ATP6V0A1: variants seen among roughly 807,000 people sequenced by gnomAD.
The protein encoded by ATP6V0A1 is V-type proton ATPase 116 kDa subunit a 1.
ATP6V0A1 carries 43 observed loss-of-function variants against 105.4 expected under a neutral mutation model. The ratio of observed to expected loss-of-function variants is 0.41; its 90% CI spans 0.32 to 0.53. ATP6V0A1 has a LOEUF of 0.53. Ranked by LOEUF, ATP6V0A1 falls within the 20% of genes least tolerant of loss-of-function variation. ATP6V0A1 has a pLI of 0.30. For synonymous variants in ATP6V0A1, 362 were observed against 372.8 expected, an observed-to-expected ratio of 0.97 and a Z score of 0.33; for missense variants, 676 against 1,051.1, an observed-to-expected ratio of 0.64 and a Z score of 4.93.
At chr17:42,520,447 G>T (rs1356803277) in intron 21 of ATP6V0A1, 1 of 456,600 alleles carries the variant, frequency 2.2e-6, no homozygotes, top group Non-Finnish European at 4.4e-6. Flanking sequence ...CCCAAGAGAA[G>T]AATTCTTTCT....
At chr17:42,462,428 C>T (rs897490480) in intron 2 of ATP6V0A1, among the ~76,000 whole-genome samples, 1 of 151,648 alleles carries the variant, frequency 6.6e-6, no homozygotes, top group African/African-American at 2.4e-5. Context: ...GTTGTTGTTG[C>T]TTTTCTTTTT....
intron 17 of ATP6V0A1, among the ~76,000 whole-genome samples, chr17:42,501,965 C>T (rs1375355407): frequency 1.3e-5 from 2 of 151,952 alleles, no homozygotes; most frequent in Non-Finnish European, 2.9e-5. Flanking sequence ...ATCTGAGAGG[C>T]GGAGGTTGCA....
intron 14 of ATP6V0A1, chr17:42,496,265 A>G (rs1289744821): frequency 6.6e-6 from 1 of 152,102 alleles, no homozygotes; most frequent in Non-Finnish European, 1.5e-5. Context: ...CTCTGGGAAG[A>G]TTGATTTTTC....
chr17:42,514,208 A>AGG (rs777357155), intron 20 of ATP6V0A1, 81 bp from the exon 21 acceptor site: 2 of 1,499,704 alleles, frequency 1.3e-6, no homozygotes, highest in South Asian at 2.6e-5. Flanking sequence ...ACCCTAGAGC[A>AGG]GGGGGATGGC....
At chr17:42,472,535 C>T (rs952942297) in intron 5 of ATP6V0A1, among the ~76,000 whole-genome samples, 1 of 105,134 alleles carries the variant, frequency 9.5e-6, no homozygotes, top group African/African-American at 3.7e-5. Flanking sequence ...CCAGCCTGAC[C>T]AACATGGTGA....
intron 1 of ATP6V0A1, chr17:42,460,348 G>A (rs1430256585): frequency 6.5e-6 from 1 of 152,902 alleles, no homozygotes; most frequent in Non-Finnish European, 1.5e-5. Flanking sequence ...ATAGCTTTAG[G>A]ATAGTGCCAG....
intron 1 of ATP6V0A1, among the ~76,000 whole-genome samples, chr17:42,459,778 ACT>A (rs1260392514): frequency 6.6e-5 from 10 of 152,168 alleles, no homozygotes; most frequent in Admixed American, 5.9e-4. Context: ...AGCTTGTGTT[ACT>A]GTCTTGAACA....
At chr17:42,491,587 G>A (rs886065522) in intron 11 of ATP6V0A1, among the ~76,000 whole-genome samples, 1 of 151,778 alleles carries the variant, frequency 6.6e-6, no homozygotes, top group East Asian at 1.9e-4. Flanking sequence ...AGGTTCAAGC[G>A]ATTCTCCTGC....
intron 5 of ATP6V0A1, among the ~76,000 whole-genome samples, chr17:42,476,082 C>T (rs1339400070): frequency 2.6e-5 from 4 of 152,148 alleles, no homozygotes; most frequent in African/African-American, 7.2e-5. Context: ...TTGTAATCAT[C>T]GGGATCCTGA....
chr17:42,487,329 G>C lies in ATP6V0A1; in HGVS notation c.985G>C (p.Asp329His), dbSNP rs763530702. ...TGCAGAGGTCTGGTGCCCTGTCACCGACCTTGACTCCATCCAGTTTGCACT... is the reference window on the plus strand; with the variant it reads ...TGCAGAGGTCTGGTGCCCTGTCACCCACCTTGACTCCATCCAGTTTGCACT... ...LIAEVWCPVT[D>H]LDSIQFALRR... The change falls in exon 10 of 22, where the codon GAC becomes CAC. Residue 329 changes from aspartate (D) to histidine (H), a missense_variant. This residue lies in a region of ATP6V0A1 where 435 missense variants were observed against 642.2 expected (regional missense o/e 0.68). Coordinates refer to ENST00000343619, the MANE Select transcript of ATP6V0A1 (RefSeq NM_001130021.3). The C allele has an allele frequency of 6.2e-7, 1 of 1,614,094 alleles. No individual in the cohort carries two copies. The highest frequency in any genetic ancestry group is 8.5e-7 in the Non-Finnish European group (1 of 1,180,038).
At chr17:42,520,306 C>G (rs1318305971) in intron 21 of ATP6V0A1, 1 of 381,194 alleles carries the variant, frequency 2.6e-6, no homozygotes, top group African/African-American at 2.1e-5. Context: ...GGAAGCACAG[C>G]CAAGCAGCCT....
intron 17 of ATP6V0A1, among the ~76,000 whole-genome samples, chr17:42,506,622 G>A (rs1409097249): frequency 6.6e-6 from 1 of 152,232 alleles, no homozygotes; most frequent in Non-Finnish European, 1.5e-5. Context: ...TCTGGGGGCT[G>A]CTGTTTAAAT....
In ATP6V0A1 at chr17:42,521,260, A is replaced by G. The variant is rs999615989; in HGVS notation, c.*140A>G. The G allele has an allele frequency of 1.5e-6, 1 of 683,846 alleles. No homozygotes were observed. Among genetic ancestry groups the G allele is most frequent in the Non-Finnish European group, 2.3e-6 (1 of 429,880 alleles). 42.4% of individuals were successfully genotyped at this position (683,846 alleles called of 1,614,324 possible). ...CCTGTCTGTGAGTCATTTAGATAGA[A>G]TAGTCCTCCTTGGGTCTCCCACCAC... is the stretch of plus-strand genomic sequence containing the variant. On this transcript the variant is annotated 3_prime_UTR_variant, in exon 22 of 22. Transcript: ENST00000343619. This position sits in a 1 kb window ranked among gnomAD's most constrained non-coding sequence, Gnocchi z 4.8.
chr17:42,483,156 T>G, intron 9 of ATP6V0A1, 25 bp downstream of exon 9: 4 of 1,451,990 alleles, frequency 2.8e-6, no homozygotes, highest in Non-Finnish European at 3.7e-6. Flanking sequence ...GGAGGGAATT[T>G]GTTTTTGTGA....
intron 11 of ATP6V0A1, among the ~76,000 whole-genome samples, chr17:42,493,678 G>A (rs1296035906): frequency 6.6e-6 from 1 of 152,146 alleles, no homozygotes; most frequent in African/African-American, 2.4e-5. Flanking sequence ...ACTGGGCATG[G>A]TGGCACATAC....
At position 42,517,298 on chromosome 17, in the gene ATP6V0A1, AC is replaced by A. The variant is rs552303160; in HGVS notation, c.2420+2839del. ...CCGTCTCAAAACAACAACAACAACA[AC>A]AACAACAAAAAAACCTGGGATGCCC... On this transcript the variant is annotated intron_variant, in intron 21 of 21. Coordinates refer to ENST00000343619, the MANE Select transcript of ATP6V0A1 (RefSeq NM_001130021.3). Among the ~76,000 whole-genome samples, 1,345 of 151,874 alleles carry A rather than the reference AC, an allele frequency of 8.9e-3. 29 individuals carry two copies. Among genetic ancestry groups the A allele is most frequent in the African/African-American group, 0.031 (1,272 of 41,390 alleles).
chr17:42,490,017 C>T (rs2090483521), intron 10 of ATP6V0A1, among the ~76,000 whole-genome samples: 1 of 152,174 alleles, frequency 6.6e-6, no homozygotes, highest in Admixed American at 6.5e-5. Flanking sequence ...GAGAGAAGCT[C>T]TTTGGTCAGG....
intron 10 of ATP6V0A1, among the ~76,000 whole-genome samples, chr17:42,488,054 C>T (rs1049581965): frequency 1.3e-5 from 2 of 152,190 alleles, no homozygotes; most frequent in African/African-American, 4.8e-5. Flanking sequence ...AACAACTACT[C>T]TGTCCACAGA....
chr17:42,509,745 A>G (rs2092253527), intron 19 of ATP6V0A1: 1 of 152,148 alleles, frequency 6.6e-6, no homozygotes, highest in Admixed American at 6.5e-5. Flanking sequence ...CTGACCAACT[A>G]TTGTGTACCA....
Sources: allele counts gnomAD v4.1 joint callset (sites outside exome capture counted in the v4.1 genomes callset), GRCh38; gene constraint gnomAD v4.1.1; regional missense constraint gnomAD v4.1.1; non-coding constraint Gnocchi (gnomAD v3.1); transcripts MANE v1.5; gene names NCBI Gene and HGNC (gene_info 2026-07-23, HGNC 2026-07-21).